Variants in PMS2 observed in about 807,000 individuals in gnomAD.
PMS2 encodes PMS1 homolog 2, mismatch repair system component.
Under a neutral mutation model 90.0 loss-of-function variants are expected in PMS2, and 69 were observed. The ratio of observed to expected loss-of-function variants is 0.77; its 90% confidence interval spans 0.63 to 0.94. The LOEUF (loss-of-function observed/expected upper bound fraction) is 0.94, where lower values mean the gene tolerates loss of function less well. Among genes scored for constraint, PMS2 ranks in the 40% least tolerant of loss-of-function variants. The probability of loss-of-function intolerance (pLI) is 0.00; values close to 1 mark genes in which losing one functional copy is unlikely to be tolerated. For synonymous variants in PMS2, 332 were observed against 375.1 expected, an observed-to-expected ratio of 0.89 and a Z score of 1.33; for missense variants, 966 against 1,040.2, an observed-to-expected ratio of 0.93 and a Z score of 0.98.
intron 2 of PMS2, among the ~76,000 whole-genome samples, chr7:6,004,884 C>T (rs6954766): frequency 0.66 from 100,152 of 151,890 alleles, 33,661 homozygotes; most frequent in East Asian, 0.89. Context: ...ATTAATAATT[C>T]TTTGGTTTTT....
intron 1 of PMS2, among the ~76,000 whole-genome samples, 189 bp from the exon 2 acceptor site, chr7:6,006,220 C>T (rs1439532550): frequency 6.6e-6 from 1 of 152,158 alleles, no homozygotes; most frequent in Non-Finnish European, 1.5e-5. Context: ...AACATGTACC[C>T]AAAATACTTC....
At position 5,986,990 on chromosome 7, in the gene PMS2, T is replaced by C. The variant is rs2128723677; in HGVS notation, c.1775A>G (p.Gln592Arg). The C allele has an allele frequency of 6.2e-7, 1 of 1,614,226 alleles. No homozygotes were observed. Among genetic ancestry groups the C allele is most frequent in the South Asian group, 1.1e-5 (1 of 91,092 alleles). The change falls in exon 11 of 15, where the codon CAA (glutamine) becomes CGA (arginine). Residue 592 changes from glutamine to arginine, a missense_variant. Around this residue, in one of 2 missense-constraint regions of PMS2, gnomAD observed 871 missense variants for 802.4 expected, o/e 1.09. Transcript: ENST00000265849. ...CATGTCCTGAGTATTTACTAACTTT[T>C]GACAAATGTCAGAACTGGAAAGAAT... ...EEILSSSDIC[Q>R]KLVNTQDMSA...
intron 12 of PMS2, among the ~76,000 whole-genome samples, chr7:5,981,434 C>T (rs1022409971): frequency 2.0e-5 from 3 of 149,574 alleles, no homozygotes; most frequent in African/African-American, 7.4e-5. Context: ...GTTGTAGAGA[C>T]AAGGTTTCAC....
chr7:5,980,963 T>G (rs1424268216), intron 12 of PMS2, among the ~76,000 whole-genome samples: 1 of 151,604 alleles, frequency 6.6e-6, no homozygotes, highest in Non-Finnish European at 1.5e-5. Context: ...AGGAGAGTAC[T>G]CAGCAAACTA....
intron 11 of PMS2, among the ~76,000 whole-genome samples, chr7:5,983,330 C>T (rs4724765): frequency 0.5 from 75,219 of 149,300 alleles, 17,979 homozygotes; most frequent in Non-Finnish European, 0.53. Context: ...AGGCTGGTCT[C>T]GAACTCCTGA....
Position 5,995,752 on chromosome 7 carries a change from G to T in PMS2, c.804-119C>A, listed in dbSNP as rs1392440702. Reference sequence around the variant, plus strand: ...AAACACCAGGTGACATGCTGATAAGGATCACTATTGCAGTTCACGGGTATC... The same window carrying T: ...AAACACCAGGTGACATGCTGATAAGTATCACTATTGCAGTTCACGGGTATC... On this transcript the variant is annotated intron_variant, in intron 7 of 14. Coordinates refer to ENST00000265849, the MANE Select transcript of PMS2 (RefSeq NM_000535.7). 1.2e-5 allele frequency: 9 copies of T among 763,154 alleles called. No homozygotes were observed. In the African/African-American group the frequency reaches 1.6e-4, roughly 13 times the overall value. The allele number at this position is 763,154 out of a possible 1,614,324, so 47.3% of individuals were successfully genotyped here. A position where few individuals can be genotyped will look rare whatever the true frequency, so the allele number is the denominator to read the frequency against.
intron 13 of PMS2, among the ~76,000 whole-genome samples, chr7:5,978,267 T>C (rs1257323967): frequency 6.7e-6 from 1 of 149,220 alleles, no homozygotes; most frequent in Non-Finnish European, 1.5e-5. Flanking sequence ...GAATCTATAG[T>C]TCTGATTTTT....
At chr7:6,002,657 T>G in intron 4 of PMS2, 21 bp from the exon 5 acceptor site, 1 of 1,601,438 alleles carries the variant, frequency 6.2e-7, no homozygotes, top group Admixed American at 1.7e-5. Flanking sequence ...ATACCAGGCA[T>G]GGTGTGTTCA....
chr7:5,998,648 G>A (rs1215766868), intron 6 of PMS2, among the ~76,000 whole-genome samples: 3 of 148,206 alleles, frequency 2.0e-5, no homozygotes, highest in African/African-American at 2.5e-5. Flanking sequence ...GAGCCAAGAT[G>A]GCGCCACTGC....
chr7:5,998,407 C>G (rs1340597780), intron 6 of PMS2, among the ~76,000 whole-genome samples: 1 of 145,758 alleles, frequency 6.9e-6, no homozygotes, highest in African/African-American at 2.5e-5. Flanking sequence ...AAAATCAATT[C>G]TTAATCTGGG....
In PMS2 at chr7:5,978,482, G is replaced by A. The variant is rs1196580196; in HGVS notation, c.2275+114C>T. 3.4e-6 allele frequency: 4 copies of A among 1,165,782 alleles called. 1 individual carries two copies. In the Admixed American group the frequency reaches 5.8e-5, roughly 17 times the overall value. 72.2% of individuals were successfully genotyped at this position (1,165,782 alleles called of 1,614,324 possible). ...GATGGGGTTTCACCATGTTAGCCAG[G>A]CTGGTCTCAAACTCCTGACCTCAGG... On this transcript the variant is annotated intron_variant, in intron 13 of 14. Transcript: ENST00000265849.
chr7:5,983,737 C>A (rs1457745361), intron 11 of PMS2, among the ~76,000 whole-genome samples: 1 of 151,362 alleles, frequency 6.6e-6, no homozygotes, highest in East Asian at 1.9e-4. Flanking sequence ...CTGCAACCTG[C>A]GCCTCCCAGG....
In PMS2 at chr7:6,008,999, C is replaced by T. The variant is rs587780726; in HGVS notation, c.21G>A (p.Ser7=). Residue 7 remains serine (S), a splice_region_variant and synonymous_variant, in exon 1 of 15, where the codon TCG becomes TCA. Transcript: ENST00000265849. Reference sequence around the variant, plus strand: ...GGAAGACTGCGAGCCCCGCTCACCTCGAGCTCTCAGCTCGCTCCATGGATG... The same window carrying T: ...GGAAGACTGCGAGCCCCGCTCACCTTGAGCTCTCAGCTCGCTCCATGGATG... The part of the protein sequence containing the change: MERAES[S]STEPAKAIKP... 4 of 1,612,552 alleles carry T rather than the reference C, an allele frequency of 2.5e-6. No homozygotes were observed. The highest frequency in any genetic ancestry group is 3.4e-6 in the Non-Finnish European group (4 of 1,179,856).
chr7:6,004,043 T>C lies in PMS2; in HGVS notation c.179A>G (p.Asp60Gly), dbSNP rs771348650. The C allele has an allele frequency of 6.3e-7, 1 of 1,585,468 alleles. No homozygotes were observed. The change falls in exon 3 of 15, where the codon GAC becomes GGC. Residue 60 changes from aspartate to glycine, a missense_variant. Around this residue, in one of 2 missense-constraint regions of PMS2, gnomAD observed 871 missense variants for 802.4 expected, o/e 1.09. Coordinates refer to ENST00000265849, the MANE Select transcript of PMS2 (RefSeq NM_000535.7). ...GATNIDLKLK[D>G]YGVDLIEVSD... ...AACTTCAATAAGATCCACTCCATAGTCCTTAAGCTTTAGATCTAGAAAGTT... is the reference window on the plus strand; with the variant it reads ...AACTTCAATAAGATCCACTCCATAGCCCTTAAGCTTTAGATCTAGAAAGTT...
At position 5,999,248 on chromosome 7, in the gene PMS2, G is replaced by GT. The variant is rs1182043656; in HGVS notation, c.564dup (p.His189ThrfsTer60). ...CCTGCTGAAATGATACAGTATGCAT[G>GT]TAAGACCTGGACCATTTTGGCATAC... On this transcript the variant is annotated frameshift_variant, in exon 6 of 15. Coordinates refer to ENST00000265849, the MANE Select transcript of PMS2 (RefSeq NM_000535.7). LOFTEE classifies it high-confidence loss of function. The GT allele has an allele frequency of 6.2e-7, 1 of 1,613,974 alleles. No individual in the cohort carries two copies. The highest frequency in any genetic ancestry group is 1.1e-5 in the South Asian group (1 of 91,088).
intron 8 of PMS2, among the ~76,000 whole-genome samples, chr7:5,993,862 C>CAAAAAAAA (rs61677497): frequency 7.7e-5 from 3 of 38,936 alleles, no homozygotes; most frequent in Non-Finnish European, 1.2e-4. Flanking sequence ...GACTCTGTCT[C>CAAAAAAAA]AAAAAAAAAA....
In PMS2 at chr7:5,999,374, C is replaced by A. The variant is rs113464268; in HGVS notation, c.538-99G>T. 5.7e-6 allele frequency: 6 copies of A among 1,048,510 alleles called. No individual in the cohort carries two copies. In the South Asian group the frequency reaches 7.7e-5, roughly 13 times the overall value. 65.0% of individuals were successfully genotyped at this position (1,048,510 alleles called of 1,614,324 possible). On this transcript the variant is annotated intron_variant, in intron 5 of 14. Coordinates refer to ENST00000265849, the MANE Select transcript of PMS2 (RefSeq NM_000535.7). ...ATCCAACGCAAGGTTCTCACATCAT[C>A]GCACAAATCAAGGGAAGCACTGTTG...
At chr7:5,990,144 G>C (rs1432540900) in intron 9 of PMS2, among the ~76,000 whole-genome samples, 189 bp from the exon 10 acceptor site, 3 of 152,178 alleles carry the variant, frequency 2.0e-5, no homozygotes, top group African/African-American at 7.2e-5. Context: ...AAGTAGCTAG[G>C]ATTACAGGCA....
intron 8 of PMS2, 55 bp from the exon 9 acceptor site, chr7:5,992,112 C>T (rs1259511086): frequency 4.6e-5 from 42 of 906,946 alleles, no homozygotes; most frequent in Admixed American, 1.2e-4. Flanking sequence ...CCCAGCCCCC[C>T]GCATTCTAAC....
Sources: gnomAD v4.1 joint callset for allele counts (sites outside exome capture counted in the v4.1 genomes callset) on GRCh38, gnomAD v4.1.1 for gene constraint, gnomAD v4.1.1 regional missense constraint, MANE v1.5 for transcripts, NCBI Gene and HGNC (gene_info 2026-07-23, HGNC 2026-07-21) for gene names.